IGF2BP3: variants seen among roughly 807,000 people sequenced by gnomAD.
IGF2BP3 encodes insulin like growth factor 2 mRNA binding protein 3, also known as insulin-like growth factor 2 mRNA-binding protein 3.
IGF2BP3 carries 9 observed loss-of-function variants against 73.8 expected under a neutral mutation model. The observed-to-expected ratio is 0.12, with a 90% CI of 0.07 to 0.21. IGF2BP3 has a LOEUF of 0.21. Among genes scored for constraint, IGF2BP3 ranks in the 10% least tolerant of loss-of-function variants. IGF2BP3 has a pLI of 1.00. For missense variants in IGF2BP3, 542 were observed against 714.0 expected, an observed-to-expected ratio of 0.76 and a Z score of 2.75; for synonymous variants, 258 against 256.7, an observed-to-expected ratio of 1.01 and a Z score of -0.05.
chr7:23,457,405 C>T (rs1420189434), intron 2 of IGF2BP3, among the ~76,000 whole-genome samples: 2 of 151,914 alleles, frequency 1.3e-5, no homozygotes, highest in East Asian at 1.9e-4. Flanking sequence ...GTGGAGGTTT[C>T]AGTGAGCAGA....
At chr7:23,390,197 T>A (rs1786227809) in intron 3 of IGF2BP3, among the ~76,000 whole-genome samples, 1 of 152,130 alleles carries the variant, frequency 6.6e-6, no homozygotes, top group Admixed American at 6.6e-5. Flanking sequence ...TAATATCAAA[T>A]AGCCTAAAAA....
chr7:23,340,080 C>A (rs1205421979), intron 10 of IGF2BP3, among the ~76,000 whole-genome samples: 1 of 152,178 alleles, frequency 6.6e-6, no homozygotes, highest in Non-Finnish European at 1.5e-5. Flanking sequence ...GCCAAGGAGT[C>A]TGACCTTCAG....
intron 2 of IGF2BP3, among the ~76,000 whole-genome samples, chr7:23,447,865 T>C (rs1407809841): frequency 6.6e-6 from 1 of 152,256 alleles, no homozygotes; most frequent in Non-Finnish European, 1.5e-5. Context: ...CCTGTAGTTT[T>C]GGCTACTCAG....
At chr7:23,417,816 T>C (rs1290996210) in intron 3 of IGF2BP3, among the ~76,000 whole-genome samples, 1 of 152,206 alleles carries the variant, frequency 6.6e-6, no homozygotes. Context: ...ACCCACCGTT[T>C]CCATCTATAA....
chr7:23,446,286 G>A (rs1293509778), intron 2 of IGF2BP3, among the ~76,000 whole-genome samples: 2 of 152,190 alleles, frequency 1.3e-5, no homozygotes, highest in Admixed American at 1.3e-4. Flanking sequence ...TGCCCAGTGT[G>A]GTGGCTCATA....
At chr7:23,367,524 T>G (rs976696603) in intron 3 of IGF2BP3, among the ~76,000 whole-genome samples, 1 of 150,332 alleles carries the variant, frequency 6.7e-6, no homozygotes, top group Non-Finnish European at 1.5e-5. Context: ...CATACCTAAA[T>G]AAAATCTTAA....
intron 3 of IGF2BP3, among the ~76,000 whole-genome samples, chr7:23,372,840 C>G (rs138967853): frequency 6.6e-6 from 1 of 152,254 alleles, no homozygotes; most frequent in East Asian, 1.9e-4. Flanking sequence ...TACTTTAACT[C>G]AAATCCACAC....
rs571337884 is a variant in IGF2BP3, at chr7:23,439,488, C to A, written c.237-20664G>T. ...GCAGGAGAATGGCGTGAGTAGGGGG[C>A]GGAGCTTGCAGTGAGCCAAGATCGT... is the stretch of plus-strand genomic sequence containing the variant. On this transcript the variant is annotated intron_variant, in intron 2 of 14. Transcript: ENST00000258729. Among the ~76,000 whole-genome samples the A allele has an allele frequency of 1.3e-3, 171 of 130,698 alleles. 2 individuals are homozygous for A. The highest frequency in any genetic ancestry group is 4.8e-3 in the African/African-American group (165 of 34,264). 85.7% of individuals were successfully genotyped at this position (130,698 alleles called of 152,430 possible). A position where few individuals can be genotyped will look rare whatever the true frequency, so the allele number is the denominator to read the frequency against.
chr7:23,358,406 C>T (rs1469203474), intron 5 of IGF2BP3, among the ~76,000 whole-genome samples: 1 of 152,088 alleles, frequency 6.6e-6, no homozygotes, highest in Admixed American at 6.5e-5. Flanking sequence ...AGAAATGACA[C>T]CAGGTTGGTT....
At chr7:23,414,513 T>C (rs1317722503) in intron 3 of IGF2BP3, 2 of 152,206 alleles carry the variant, frequency 1.3e-5, no homozygotes, top group Admixed American at 6.5e-5. Context: ...AGATGACTCC[T>C]AGAATTGGGG....
chr7:23,407,939 TGGGGGG>T (rs1786889724), intron 3 of IGF2BP3, among the ~76,000 whole-genome samples: 1 of 4,352 alleles, frequency 2.3e-4, no homozygotes, highest in Admixed American at 3.4e-3. Flanking sequence ...TCAACATTTG[TGGGGGG>T]CAGGGGGCGG....
At position 23,312,711 on chromosome 7, in the gene IGF2BP3, T is replaced by G. The variant is rs372150292; in HGVS notation, c.1641+24A>C. On this transcript the variant is annotated intron_variant, in intron 14 of 14. Transcript: ENST00000258729. ...TTGCTTCCACGTGAGAAAGATACAA[T>G]AGCTTATTTTAGAGCCCACTTGCCT... is the stretch of plus-strand genomic sequence containing the variant. 10 of 1,476,530 alleles carry G rather than the reference T, an allele frequency of 6.8e-6. No homozygotes were observed. The African/African-American group carries it at 1.4e-4, about 20-fold the overall frequency. The allele number at this position is 1,476,530 out of a possible 1,614,324, so 91.5% of individuals were successfully genotyped here. A position where few individuals can be genotyped will look rare whatever the true frequency, so the allele number is the denominator to read the frequency against.
intron 3 of IGF2BP3, among the ~76,000 whole-genome samples, chr7:23,412,681 C>G (rs2128532056): frequency 6.6e-6 from 1 of 152,188 alleles, no homozygotes; most frequent in African/African-American, 2.4e-5. Flanking sequence ...TACCTAATGT[C>G]TTCCTTTACA....
chr7:23,354,439 C>T (rs1785042096), intron 5 of IGF2BP3, among the ~76,000 whole-genome samples: 1 of 152,176 alleles, frequency 6.6e-6, no homozygotes, highest in African/African-American at 2.4e-5. Context: ...TTGCCAGCTT[C>T]AGAAGAGAGT....
At chr7:23,368,379 GAAAGA>G (rs1225179256) in intron 3 of IGF2BP3, among the ~76,000 whole-genome samples, 2 of 149,848 alleles carry the variant, frequency 1.3e-5, no homozygotes, top group African/African-American at 5.0e-5. Flanking sequence ...AAGAAAGAAA[GAAAGA>G]AAAGAAGGCA....
intron 3 of IGF2BP3, among the ~76,000 whole-genome samples, chr7:23,378,720 C>T (rs181107807): frequency 6.6e-6 from 1 of 151,802 alleles, no homozygotes; most frequent in Non-Finnish European, 1.5e-5. Context: ...ACTACAGGTG[C>T]ACGCCACCAT....
chr7:23,423,032 C>A (rs955849280), intron 2 of IGF2BP3, among the ~76,000 whole-genome samples: 11 of 152,230 alleles, frequency 7.2e-5, no homozygotes, highest in African/African-American at 2.7e-4. Flanking sequence ...GCCTCAGCCT[C>A]CCGAAGTGCT....
At chr7:23,443,290 T>C (rs938725143) in intron 2 of IGF2BP3, among the ~76,000 whole-genome samples, 5 of 151,762 alleles carry the variant, frequency 3.3e-5, no homozygotes, top group African/African-American at 1.2e-4. Context: ...CACTCCCAGC[T>C]AATTTTGTAT....
chr7:23,436,684 T>G (rs778204210), intron 2 of IGF2BP3, among the ~76,000 whole-genome samples: 1 of 152,218 alleles, frequency 6.6e-6, no homozygotes, highest in African/African-American at 2.4e-5. Flanking sequence ...TAACCTGAGA[T>G]GATATTAGTA....
Sources: gnomAD v4.1 joint callset for allele counts (sites outside exome capture counted in the v4.1 genomes callset) on GRCh38, gnomAD v4.1.1 for gene constraint, MANE v1.5 for transcripts, NCBI Gene and HGNC (gene_info 2026-07-23, HGNC 2026-07-21) for gene names.